The following YWHAG variants were observed in gnomAD, a reference collection of about 807,000 sequenced individuals.
The protein encoded by YWHAG is tyrosine 3-monooxygenase/tryptophan 5-monooxygenase activation protein gamma.
A neutral mutation model predicts 23.3 loss-of-function variants in YWHAG; 1 was observed. The ratio of observed to expected loss-of-function variants is 0.04; its 90% CI spans 0.02 to 0.20. YWHAG has a LOEUF of 0.20. YWHAG is among the 10% of genes least tolerant of loss of function. The pLI, the probability that YWHAG is intolerant of heterozygous loss-of-function variation, is 1.00. For synonymous variants in YWHAG, 160 were observed against 144.0 expected, an observed-to-expected ratio of 1.11 and a Z score of -0.80; for missense variants, 151 against 338.6, an observed-to-expected ratio of 0.45 and a Z score of 4.35.
rs924486960 is a variant in YWHAG at position 76,327,809 on chromosome 7, G to A, written c.*1768C>T. 5.9e-5 allele frequency: 9 copies of A among 151,956 alleles called. No homozygotes were observed. Among genetic ancestry groups the A allele is most frequent in the African/African-American group, 1.9e-4 (8 of 41,358 alleles). 9.4% of individuals were successfully genotyped at this position (151,956 alleles called of 1,614,324 possible). A position where few individuals can be genotyped will look rare whatever the true frequency, so the allele number is the denominator to read the frequency against. The stretch of plus-strand genomic sequence containing the variant: ...TTAACTGGGACTTTTACTCTAGCGT[G>A]AGGAGGGGGCCTCCTAAGGAAAGTC... On this transcript the variant is annotated 3_prime_UTR_variant, in exon 2 of 2. Coordinates refer to ENST00000307630, the MANE Select transcript of YWHAG (RefSeq NM_012479.4).
intron 1 of YWHAG, among the ~76,000 whole-genome samples, chr7:76,347,147 A>AG (rs758280948): frequency 2.6e-5 from 4 of 152,170 alleles, no homozygotes; most frequent in Non-Finnish European, 5.9e-5. Flanking sequence ...ACAGCACCCT[A>AG]GGCTTACTTC....
chr7:76,332,875 T>C (rs1803565523), intron 1 of YWHAG, among the ~76,000 whole-genome samples: 2 of 152,152 alleles, frequency 1.3e-5, no homozygotes, highest in South Asian at 4.1e-4. Context: ...GGCTAGTTTT[T>C]GTATTTTTAG....
At chr7:76,353,707 G>GTT (rs1803906889) in intron 1 of YWHAG, among the ~76,000 whole-genome samples, 2 of 152,194 alleles carry the variant, frequency 1.3e-5, no homozygotes, top group African/African-American at 2.4e-5. Flanking sequence ...AAATAATTCT[G>GTT]AGAGGAGAGG....
At chr7:76,352,783 G>A (rs1263026649) in intron 1 of YWHAG, among the ~76,000 whole-genome samples, 1 of 151,836 alleles carries the variant, frequency 6.6e-6, no homozygotes, top group African/African-American at 2.4e-5. Flanking sequence ...TCTAGTAGCT[G>A]GGATTACAGG....
intron 1 of YWHAG, among the ~76,000 whole-genome samples, chr7:76,357,462 T>C (rs563986163): frequency 2.0e-5 from 3 of 152,338 alleles, no homozygotes; most frequent in African/African-American, 7.2e-5. Context: ...AGATTAATTT[T>C]CTACCTTTCA....
chr7:76,330,952 C>T (rs570895777), intron 1 of YWHAG, among the ~76,000 whole-genome samples: 1 of 152,316 alleles, frequency 6.6e-6, no homozygotes, highest in African/African-American at 2.4e-5. Flanking sequence ...CAAGGCTAAT[C>T]ACTTTCAGAA....
At chr7:76,338,300 G>A (rs561876777) in intron 1 of YWHAG, among the ~76,000 whole-genome samples, 1 of 152,270 alleles carries the variant, frequency 6.6e-6, no homozygotes, top group East Asian at 1.9e-4. Flanking sequence ...ATTGTGCAGA[G>A]GGAAACATTC....
At chr7:76,333,380 G>A (rs1803572592) in intron 1 of YWHAG, among the ~76,000 whole-genome samples, 2 of 152,322 alleles carry the variant, frequency 1.3e-5, no homozygotes, top group African/African-American at 2.4e-5. Flanking sequence ...TGGGATTACA[G>A]GTGACAGCCA....
intron 1 of YWHAG, among the ~76,000 whole-genome samples, chr7:76,339,351 T>G (rs371562480): frequency 6.6e-6 from 1 of 152,046 alleles, no homozygotes; most frequent in Non-Finnish European, 1.5e-5. Context: ...ACACCTGTAA[T>G]CCCAGCTACT....
intron 1 of YWHAG, among the ~76,000 whole-genome samples, chr7:76,337,191 CTCTGGCTGGCA>C (rs995707012): frequency 1.3e-5 from 2 of 152,214 alleles, no homozygotes; most frequent in Non-Finnish European, 2.9e-5. Context: ...CAAGGCTGGT[CTCTGGCTGGCA>C]TCTGAGAACT....
At chr7:76,336,803 G>T (rs1244088975) in intron 1 of YWHAG, among the ~76,000 whole-genome samples, 1 of 145,616 alleles carries the variant, frequency 6.9e-6, no homozygotes, top group Non-Finnish European at 1.5e-5. Context: ...TATGAGACTT[G>T]GCTCCATCTT....
chr7:76,345,185 C>CTT lies in YWHAG; in HGVS notation c.87+13535_87+13536dup, dbSNP rs944242945. Among the ~76,000 whole-genome samples the CTT allele has an allele frequency of 5.6e-3, 742 of 132,238 alleles. 14 individuals are homozygous for CTT. The highest frequency in any genetic ancestry group is 0.02 in the African/African-American group (690 of 35,268). The allele number at this position is 132,238 out of a possible 152,430, so 86.8% of individuals were successfully genotyped here. On this transcript the variant is annotated intron_variant, in intron 1 of 1. Coordinates refer to ENST00000307630, the MANE Select transcript of YWHAG (RefSeq NM_012479.4). ...ACCATTAGTTAAGCCTATCCTAAGG[C>CTT]TTTTTTTTTTTTTTTTTGGAGACGG...
intron 1 of YWHAG, among the ~76,000 whole-genome samples, chr7:76,330,725 G>A (rs1270736670): frequency 6.6e-6 from 1 of 152,170 alleles, no homozygotes; most frequent in East Asian, 1.9e-4. Context: ...AAACCTCAGG[G>A]AGTCCAAATA....
At chr7:76,346,808 A>G (rs1437223794) in intron 1 of YWHAG, among the ~76,000 whole-genome samples, 2 of 152,164 alleles carry the variant, frequency 1.3e-5, no homozygotes, top group African/African-American at 4.8e-5. Context: ...CAGCCTGAAG[A>G]GACTCACCAT....
In YWHAG at chr7:76,327,213, AAAATT is replaced by A. The variant is rs991475619; in HGVS notation, c.*2359_*2363del. On this transcript the variant is annotated 3_prime_UTR_variant, in exon 2 of 2. Transcript: ENST00000307630. ...AGAGCAAACTTTACCCCCAAAAGGA[AAAATT>A]AAATTAAAAAAAAAAAACCTTTAAA... The A allele has an allele frequency of 2.6e-5, 4 of 151,810 alleles. No homozygotes were observed. Among genetic ancestry groups the A allele is most frequent in the Non-Finnish European group, 1.5e-5 (1 of 68,032 alleles). 9.4% of individuals were successfully genotyped at this position (151,810 alleles called of 1,614,324 possible). A position where few individuals can be genotyped will look rare whatever the true frequency, so the allele number is the denominator to read the frequency against.
rs550263140 is a variant in YWHAG at position 76,339,778 on chromosome 7, T to C, written c.88-9545A>G. Among the ~76,000 whole-genome samples the C allele has an allele frequency of 4.9e-4, 75 of 152,120 alleles. 1 individual carries two copies. In the South Asian group the frequency reaches 0.015, roughly 31 times the overall value. The stretch of plus-strand genomic sequence containing the variant: ...CACTTAATGAAGAGTAAATACAGTT[T>C]CTCTTATGCTTTTCTTAATAATATT... On this transcript the variant is annotated intron_variant, in intron 1 of 1. Coordinates refer to ENST00000307630, the MANE Select transcript of YWHAG (RefSeq NM_012479.4).
intron 1 of YWHAG, among the ~76,000 whole-genome samples, chr7:76,354,658 G>A (rs149038958): frequency 9.2e-5 from 14 of 152,218 alleles, no homozygotes; most frequent in Non-Finnish European, 1.8e-4. Context: ...TTGTGCTGGC[G>A]TCCCATCAGT....
intron 1 of YWHAG, among the ~76,000 whole-genome samples, chr7:76,353,091 G>C (rs1199184741): frequency 6.6e-6 from 1 of 152,202 alleles, no homozygotes; most frequent in Admixed American, 6.5e-5. Flanking sequence ...TCTTTAAACA[G>C]AAAGAAAAGA....
intron 1 of YWHAG, among the ~76,000 whole-genome samples, chr7:76,357,270 C>T (rs1188798393): frequency 6.6e-6 from 1 of 152,162 alleles, no homozygotes; most frequent in Admixed American, 6.6e-5. Context: ...TCAGCATTGT[C>T]CTCTTTTGAG....
Sources: allele counts gnomAD v4.1 joint callset (sites outside exome capture counted in the v4.1 genomes callset), GRCh38; gene constraint gnomAD v4.1.1; transcripts MANE v1.5; gene names NCBI Gene and HGNC (gene_info 2026-07-23, HGNC 2026-07-21).